TRAPPC9: variants seen among roughly 807,000 people sequenced by gnomAD.
TRAPPC9 encodes the protein trafficking protein particle complex subunit 9, also known as IKK2 binding protein.
Under a neutral mutation model 124.0 loss-of-function variants are expected in TRAPPC9, and 83 were observed. The observed-to-expected ratio is 0.67, with a 90% CI of 0.56 to 0.80. The LOEUF (loss-of-function observed/expected upper bound fraction) is 0.80. TRAPPC9 is among the 30% of genes least tolerant of loss of function. The probability of loss-of-function intolerance (pLI) is 0.00; values close to 1 mark genes in which losing one functional copy is unlikely to be tolerated. For missense variants in TRAPPC9, 1,302 were observed against 1,508.3 expected (o/e 0.86, Z 2.27); for synonymous variants, 638 against 617.5 (o/e 1.03, Z -0.49).
At chr8:139,838,663 G>T (rs1226650120) in intron 21 of TRAPPC9, among the ~76,000 whole-genome samples, 1 of 152,112 alleles carries the variant, frequency 6.6e-6, no homozygotes, top group Non-Finnish European at 1.5e-5. Flanking sequence ...TGTGATGACG[G>T]GTGGGTGGCA....
chr8:139,910,098 C>A, intron 20 of TRAPPC9, 49 bp downstream of exon 20: 1 of 1,610,544 alleles, frequency 6.2e-7, no homozygotes, highest in Non-Finnish European at 8.5e-7. Flanking sequence ...GAGGTTGGAA[C>A]CCTGGGCAAA....
chr8:140,231,993 C>T (rs1412830722), intron 16 of TRAPPC9, among the ~76,000 whole-genome samples: 1 of 152,072 alleles, frequency 6.6e-6, no homozygotes, highest in African/African-American at 2.4e-5. Context: ...AGGCTGGTCT[C>T]GAACTCCTGA....
At chr8:139,786,774 T>C (rs1442786980) in intron 21 of TRAPPC9, among the ~76,000 whole-genome samples, 1 of 152,136 alleles carries the variant, frequency 6.6e-6, no homozygotes, top group Admixed American at 6.5e-5. Flanking sequence ...TGAATCACAC[T>C]GCATGAACAA....
At chr8:140,411,213 A>C (rs2069695843) in intron 5 of TRAPPC9, among the ~76,000 whole-genome samples, 1 of 152,200 alleles carries the variant, frequency 6.6e-6, no homozygotes, top group African/African-American at 2.4e-5. Flanking sequence ...GAACCTTAGG[A>C]GCAATGAGCA....
At chr8:140,187,505 T>G (rs1811043711) in intron 17 of TRAPPC9, among the ~76,000 whole-genome samples, 1 of 152,176 alleles carries the variant, frequency 6.6e-6, no homozygotes, top group Non-Finnish European at 1.5e-5. Context: ...GGTCAACTGT[T>G]GCATGTCATT....
intron 17 of TRAPPC9, among the ~76,000 whole-genome samples, chr8:140,085,471 C>G (rs1410876869): frequency 6.6e-6 from 1 of 152,146 alleles, no homozygotes; most frequent in East Asian, 1.9e-4. Flanking sequence ...CATGCAGAAG[C>G]TCTTTCTGTT....
chr8:140,433,216 C>T (rs1283340576), intron 4 of TRAPPC9, among the ~76,000 whole-genome samples: 6 of 151,630 alleles, frequency 4.0e-5, no homozygotes, highest in African/African-American at 7.3e-5. Context: ...CACTTGAGCC[C>T]GGGAGGCAGA....
intron 9 of TRAPPC9, among the ~76,000 whole-genome samples, chr8:140,349,480 G>A (rs2067476091): frequency 6.6e-6 from 1 of 151,986 alleles, no homozygotes; most frequent in South Asian, 2.1e-4. Context: ...GGGGGCGCGC[G>A]AGGGAAGGCA....
intron 11 of TRAPPC9, among the ~76,000 whole-genome samples, chr8:140,299,932 T>C (rs1297203279): frequency 6.6e-6 from 1 of 152,184 alleles, no homozygotes; most frequent in Non-Finnish European, 1.5e-5. Flanking sequence ...CTGAACACCA[T>C]CCAACCCTGA....
chr8:139,863,214 T>C (rs1215218942), intron 21 of TRAPPC9, among the ~76,000 whole-genome samples: 1 of 152,236 alleles, frequency 6.6e-6, no homozygotes, highest in Non-Finnish European at 1.5e-5. Context: ...GGTCCTAGCA[T>C]GGTGCCTGAT....
At chr8:140,074,663 G>C (rs1168170998) in intron 17 of TRAPPC9, among the ~76,000 whole-genome samples, 4 of 152,214 alleles carry the variant, frequency 2.6e-5, no homozygotes, top group Non-Finnish European at 4.4e-5. Flanking sequence ...CCCTGAGGGG[G>C]CCAATTCCTT....
chr8:139,913,201 C>T (rs542471557), intron 19 of TRAPPC9, among the ~76,000 whole-genome samples: 1 of 152,338 alleles, frequency 6.6e-6, no homozygotes, highest in Admixed American at 6.5e-5. Flanking sequence ...CCAACCTTAA[C>T]AAAACTGTAG....
intron 2 of TRAPPC9, among the ~76,000 whole-genome samples, chr8:140,444,268 G>C (rs2071158569): frequency 6.6e-6 from 1 of 151,408 alleles, no homozygotes; most frequent in Non-Finnish European, 1.5e-5. Flanking sequence ...GTTCATAAGA[G>C]GGTTTTGTTT....
intron 17 of TRAPPC9, among the ~76,000 whole-genome samples, chr8:140,210,481 C>A (rs1054884565): frequency 1.3e-4 from 20 of 152,194 alleles, no homozygotes; most frequent in Non-Finnish European, 2.9e-5. Context: ...CCCATCCCCC[C>A]GTCTGCCTGA....
At chr8:140,212,164 G>A (rs367691148) in intron 17 of TRAPPC9, among the ~76,000 whole-genome samples, 14 of 152,204 alleles carry the variant, frequency 9.2e-5, no homozygotes, top group African/African-American at 2.2e-4. Context: ...AAGCAGATGC[G>A]GATGGCTGGC....
intron 9 of TRAPPC9, among the ~76,000 whole-genome samples, chr8:140,336,994 T>C (rs567931528): frequency 7.2e-5 from 11 of 152,328 alleles, no homozygotes; most frequent in Non-Finnish European, 1.2e-4. Flanking sequence ...TGTCTGATGC[T>C]GGCTGGTACA....
At chr8:140,035,906 T>TGTAGACTCAA (rs1180804276) in intron 17 of TRAPPC9, among the ~76,000 whole-genome samples, 3 of 152,170 alleles carry the variant, frequency 2.0e-5, no homozygotes, top group African/African-American at 7.2e-5. Flanking sequence ...CAAGCCTAGG[T>TGTAGACTCAA]GTAGACTCAA....
At chr8:139,904,107 T>C (rs1199580976) in intron 20 of TRAPPC9, among the ~76,000 whole-genome samples, 1 of 152,194 alleles carries the variant, frequency 6.6e-6, no homozygotes, top group Admixed American at 6.5e-5. Context: ...GGTCCACACC[T>C]GATTTTGAGC....
chr8:139,730,669 A>C lies in TRAPPC9; in HGVS notation c.*392T>G. 6.1e-5 allele frequency: 14 copies of C among 230,676 alleles called. No homozygotes were observed. The highest frequency in any genetic ancestry group is 6.0e-5 in the Non-Finnish European group (7 of 116,020). 14.3% of individuals were successfully genotyped at this position (230,676 alleles called of 1,614,324 possible). On this transcript the variant is annotated 3_prime_UTR_variant, in exon 23 of 23. Coordinates refer to ENST00000438773, the MANE Select transcript of TRAPPC9 (RefSeq NM_001160372.4). ...AGTCTCATGCTCACCATTTCTTTCT[A>C]TGGCCAAAGGGAAGTCGCTGGACGA...
Sources: gnomAD v4.1 joint callset for allele counts (sites outside exome capture counted in the v4.1 genomes callset) on GRCh38, gnomAD v4.1.1 for gene constraint, MANE v1.5 for transcripts, NCBI Gene and HGNC (gene_info 2026-07-23, HGNC 2026-07-21) for gene names.